The following CRYZL1 variants were observed in gnomAD, a reference collection of about 807,000 sequenced individuals.
CRYZL1 encodes crystallin zeta like 1.
A neutral mutation model predicts 50.6 loss-of-function variants in CRYZL1; 34 were observed. The observed-to-expected ratio is 0.67, with a 90% CI of 0.51 to 0.89. The LOEUF (loss-of-function observed/expected upper bound fraction) is 0.89. CRYZL1 is among the 40% of genes least tolerant of loss of function. The pLI is 0.00. For synonymous variants in CRYZL1, 125 were observed against 134.3 expected, an observed-to-expected ratio of 0.93 and a Z score of 0.48; for missense variants, 354 against 402.3, an observed-to-expected ratio of 0.88 and a Z score of 1.03.
intron 11 of CRYZL1, chr21:33,595,455 G>A (rs569716660): frequency 6.8e-5 from 93 of 1,375,464 alleles, no homozygotes; most frequent in Middle Eastern, 3.9e-4. Context: ...GAGACTGCCT[G>A]AGTGTGATTC....
At chr21:33,615,887 A>G (rs1381205073) in intron 5 of CRYZL1, among the ~76,000 whole-genome samples, 1 of 152,214 alleles carries the variant, frequency 6.6e-6, no homozygotes, top group Admixed American at 6.5e-5. Flanking sequence ...CACTATAGCA[A>G]CTATGATTAT....
intron 2 of CRYZL1, among the ~76,000 whole-genome samples, chr21:33,625,210 C>T (rs538447581): frequency 5.8e-4 from 88 of 150,826 alleles, no homozygotes; most frequent in South Asian, 4.8e-3. Flanking sequence ...GGCTGGAGTG[C>T]GGTGGCGCGA....
intron 4 of CRYZL1, 148 bp from the exon 5 acceptor site, chr21:33,616,898 T>C (rs1296258300): frequency 3.1e-6 from 2 of 636,554 alleles, no homozygotes; most frequent in Admixed American, 3.2e-5. Context: ...CAATAACATT[T>C]TGATGGTCTG....
intron 8 of CRYZL1, among the ~76,000 whole-genome samples, chr21:33,600,865 G>A (rs2086744615): frequency 6.9e-6 from 1 of 144,538 alleles, no homozygotes; most frequent in African/African-American, 2.6e-5. Flanking sequence ...TGGACCTCAT[G>A]ATCTGCCCGC....
At chr21:33,616,125 G>T (rs1481864078) in intron 5 of CRYZL1, among the ~76,000 whole-genome samples, 1 of 145,588 alleles carries the variant, frequency 6.9e-6, no homozygotes, top group African/African-American at 2.6e-5. Flanking sequence ...TCCCCTTCCT[G>T]TGTCCATCTG....
At chr21:33,595,330 C>T (rs1275660744) in intron 11 of CRYZL1, 13 of 1,177,024 alleles carry the variant, frequency 1.1e-5, no homozygotes, top group Middle Eastern at 5.0e-4. Context: ...TGTGCAATGG[C>T]ACCATCATAG....
intron 9 of CRYZL1, among the ~76,000 whole-genome samples, chr21:33,597,788 G>T (rs879492681): frequency 6.6e-6 from 1 of 151,864 alleles, no homozygotes; most frequent in Non-Finnish European, 1.5e-5. Context: ...ATTTTTTTTT[G>T]TATTTTTAGT....
chr21:33,631,530 G>C lies in CRYZL1; in HGVS notation c.22C>G (p.Gln8Glu), dbSNP rs1233048506. 6.6e-7 allele frequency: 1 copy of C among 1,515,120 alleles called. No homozygotes were observed. The highest frequency in any genetic ancestry group is 8.8e-7 in the Non-Finnish European group (1 of 1,136,886). The allele number at this position is 1,515,120 out of a possible 1,614,324, so 93.9% of individuals were successfully genotyped here. MKGLYFQ[Q>E]SSTDEEITFV... Reference sequence around the variant, plus strand: ...GTTATTTCTTCATCTGTGGAACTCTGTTGGAAATATAAGCCTTTCATAGTC... The same window carrying C: ...GTTATTTCTTCATCTGTGGAACTCTCTTGGAAATATAAGCCTTTCATAGTC... The change falls in exon 2 of 13, where the codon CAG becomes GAG. Residue 8 changes from glutamine (Q) to glutamate (E), a missense_variant. Coordinates refer to ENST00000381554, the MANE Select transcript of CRYZL1 (RefSeq NM_145858.3).
intron 3 of CRYZL1, among the ~76,000 whole-genome samples, chr21:33,623,689 T>C (rs936797582): frequency 1.3e-5 from 2 of 152,170 alleles, no homozygotes; most frequent in Non-Finnish European, 2.9e-5. Flanking sequence ...TTTAGGTTCC[T>C]AAAAATTATA....
chr21:33,591,921 A>G (rs1404178085), intron 11 of CRYZL1, among the ~76,000 whole-genome samples: 1 of 150,596 alleles, frequency 6.6e-6, no homozygotes, highest in African/African-American at 2.4e-5. Flanking sequence ...TGAGCACTGC[A>G]CTCCAGCCAG....
chr21:33,624,605 C>A, intron 3 of CRYZL1, 78 bp downstream of exon 3: 1 of 1,551,548 alleles, frequency 6.4e-7, no homozygotes, highest in South Asian at 1.2e-5. Context: ...ATTGAGAGGT[C>A]AGTTATCGTT....
At chr21:33,595,680 G>C (rs775437305) in intron 11 of CRYZL1, 51 bp downstream of exon 11, 1 of 1,607,316 alleles carries the variant, frequency 6.2e-7, no homozygotes, top group South Asian at 1.1e-5. Context: ...AAAGAACTTA[G>C]TACAGTACAA....
chr21:33,599,070 T>A (rs1569082844), intron 9 of CRYZL1, 80 bp downstream of exon 9: 1 of 1,270,238 alleles, frequency 7.9e-7, no homozygotes, highest in South Asian at 1.3e-5. Flanking sequence ...CATTAATAAT[T>A]ATGCCCTGGT....
At chr21:33,595,403 T>C in intron 11 of CRYZL1, 2 of 1,329,204 alleles carry the variant, frequency 1.5e-6, no homozygotes, top group South Asian at 1.2e-5. Context: ...AAAAACAAAA[T>C]CTTCCAGGTA....
At chr21:33,634,904 T>TATATATATATAA (rs1491266388) in intron 1 of CRYZL1, among the ~76,000 whole-genome samples, 47 of 135,426 alleles carry the variant, frequency 3.5e-4, no homozygotes, top group Non-Finnish European at 5.1e-4. Context: ...TATATATATA[T>TATATATATATAA]AAAATAATGG....
intron 5 of CRYZL1, 80 bp downstream of exon 5, chr21:33,616,626 G>T: frequency 6.3e-7 from 1 of 1,599,790 alleles, no homozygotes; most frequent in South Asian, 1.1e-5. Flanking sequence ...AGGTCACAGT[G>T]AACATTAATA....
intron 1 of CRYZL1, chr21:33,641,102 G>A: frequency 3.9e-6 from 6 of 1,541,870 alleles, no homozygotes; most frequent in Non-Finnish European, 4.4e-6. Flanking sequence ...CTCATAACGT[G>A]GACAGCAGCA....
At chr21:33,595,402 A>G in intron 11 of CRYZL1, 7 of 1,328,652 alleles carry the variant, frequency 5.3e-6, no homozygotes, top group Non-Finnish European at 7.0e-6. Context: ...TAAAAACAAA[A>G]TCTTCCAGGT....
chr21:33,637,547 C>T (rs906806009), intron 1 of CRYZL1, among the ~76,000 whole-genome samples: 8 of 151,576 alleles, frequency 5.3e-5, no homozygotes. Flanking sequence ...TTTCAATACT[C>T]TCCCTCATTC....
Sources: gnomAD v4.1 joint callset for allele counts (sites outside exome capture counted in the v4.1 genomes callset) on GRCh38, gnomAD v4.1.1 for gene constraint, MANE v1.5 for transcripts, NCBI Gene and HGNC (gene_info 2026-07-23, HGNC 2026-07-21) for gene names.